HDAC4: variants seen among roughly 807,000 people sequenced by gnomAD.
HDAC4 encodes the protein histone deacetylase 4, also known as histone deacetylase A.
A neutral mutation model predicts 135.1 loss-of-function variants in HDAC4; 16 were observed. That is an observed-to-expected ratio of 0.12 (90% confidence interval 0.08 to 0.18). The LOEUF is 0.18. Ranked by LOEUF, HDAC4 falls within the 10% of genes least tolerant of loss-of-function variation. HDAC4 has a pLI of 1.00. For synonymous variants in HDAC4, 685 were observed against 653.4 expected (o/e 1.05, Z -0.74); for missense variants, 1,143 against 1,511.8 (o/e 0.76, Z 4.05).
chr2:239,213,672 G>C (rs2046464159), intron 3 of HDAC4, among the ~76,000 whole-genome samples: 1 of 152,190 alleles, frequency 6.6e-6, no homozygotes, highest in Admixed American at 6.5e-5. Context: ...CCAGCATCAG[G>C]GTTCCCAGGA....
intron 2 of HDAC4, among the ~76,000 whole-genome samples, chr2:239,256,958 G>A (rs1263067530): frequency 1.3e-5 from 2 of 152,202 alleles, no homozygotes; most frequent in African/African-American, 4.8e-5. Context: ...GAAGACAGAA[G>A]AACCTGGGTA....
Position 239,087,964 on chromosome 2 carries a change from G to T in HDAC4, c.2389-350C>A, listed in dbSNP as rs528346904. Reference sequence around the variant, plus strand: ...GAAAGGATGTGCTCACTCCCCGTCGGCTCGGGACCAGGACCCGCTAGGTGG... The same window carrying T: ...GAAAGGATGTGCTCACTCCCCGTCGTCTCGGGACCAGGACCCGCTAGGTGG... On this transcript the variant is annotated intron_variant, in intron 18 of 26. Transcript: ENST00000543185. Among the ~76,000 whole-genome samples, 57 of 152,300 alleles carry T rather than the reference G, an allele frequency of 3.7e-4. 1 individual carries two copies. Among genetic ancestry groups the T allele is most frequent in the Middle Eastern group, 6.8e-3 (2 of 294 alleles).
chr2:239,078,662 A>G (rs1242940887), intron 22 of HDAC4, among the ~76,000 whole-genome samples: 2 of 152,208 alleles, frequency 1.3e-5, no homozygotes, highest in Non-Finnish European at 2.9e-5. Flanking sequence ...GCAACTCAGA[A>G]AGGCACGTTC....
intron 17 of HDAC4, among the ~76,000 whole-genome samples, chr2:239,090,903 AAT>A (rs566291809): frequency 4.7e-4 from 72 of 152,364 alleles, no homozygotes; most frequent in African/African-American, 1.5e-3. Flanking sequence ...AGTCTCTTCC[AAT>A]AGTGACTTTC....
At chr2:239,094,261 A>T (rs933003658) in intron 17 of HDAC4, 2 of 985,458 alleles carry the variant, frequency 2.0e-6, no homozygotes, top group South Asian at 4.7e-5. Flanking sequence ...CCCAGGCTGC[A>T]TCAAGGAGGT....
chr2:239,211,451 G>A (rs1007834853), intron 3 of HDAC4, among the ~76,000 whole-genome samples: 2 of 152,036 alleles, frequency 1.3e-5, no homozygotes, highest in African/African-American at 4.8e-5. Flanking sequence ...ATCTTGACTG[G>A]GTTTAGTCAA....
rs759348720 is a variant in HDAC4 at position 239,111,591 on chromosome 2, G to A, written c.1913C>T (p.Ser638Leu). 1.2e-6 allele frequency: 2 copies of A among 1,611,962 alleles called. No individual in the cohort carries two copies. The highest frequency in any genetic ancestry group is 2.2e-5 in the South Asian group (2 of 90,888). Residue 638 changes from serine (S) to leucine (L), a missense_variant, in exon 14 of 27, where the codon TCA becomes TTA. Ser to Leu is a moderately radical substitution (Grantham distance 145). Coordinates refer to ENST00000543185, the MANE Select transcript of HDAC4 (RefSeq NM_001378414.1). ...GHRPLSRAQSSPASATFPVSV... is the reference protein window; with the variant it reads ...GHRPLSRAQSLPASATFPVSV... ...CACGGGGAAGGTGGCAGACGCGGGTGAGGACTGCGCCCGGGACAGAGGCCT... is the reference window on the plus strand; with the variant it reads ...CACGGGGAAGGTGGCAGACGCGGGTAAGGACTGCGCCCGGGACAGAGGCCT...
chr2:239,174,983 G>C (rs2043664969), intron 5 of HDAC4, among the ~76,000 whole-genome samples: 1 of 152,178 alleles, frequency 6.6e-6, no homozygotes, highest in South Asian at 2.1e-4. Flanking sequence ...TTTGGGGAAG[G>C]GGGAAGTGCA....
intron 2 of HDAC4, among the ~76,000 whole-genome samples, chr2:239,259,757 G>C (rs1471288693): frequency 6.6e-6 from 1 of 152,230 alleles, no homozygotes; most frequent in African/African-American, 2.4e-5. Flanking sequence ...GAAGAGGAAA[G>C]ATCTCTGCTG....
chr2:239,215,729 A>G (rs1454478220), intron 3 of HDAC4, among the ~76,000 whole-genome samples: 2 of 152,214 alleles, frequency 1.3e-5, no homozygotes, highest in East Asian at 3.9e-4. Context: ...ACTTCAAAAC[A>G]AGAAAGTGTG....
At chr2:239,079,541 G>T (rs2035091302) in intron 22 of HDAC4, among the ~76,000 whole-genome samples, 1 of 152,246 alleles carries the variant, frequency 6.6e-6, no homozygotes, top group Non-Finnish European at 1.5e-5. Context: ...ACGGACCCCA[G>T]TTAGAGAAGA....
intron 9 of HDAC4, among the ~76,000 whole-genome samples, chr2:239,136,500 C>G (rs567238328): frequency 6.6e-6 from 1 of 152,282 alleles, no homozygotes; most frequent in East Asian, 1.9e-4. Flanking sequence ...ATGGCTAAGA[C>G]CTCAAAAGCA....
intron 9 of HDAC4, among the ~76,000 whole-genome samples, chr2:239,136,193 A>G (rs995237417): frequency 1.3e-5 from 2 of 152,210 alleles, no homozygotes; most frequent in Non-Finnish European, 2.9e-5. Context: ...CCTTGCCAGA[A>G]GCTAACGTTA....
intron 5 of HDAC4, among the ~76,000 whole-genome samples, chr2:239,172,153 T>C (rs1191925603): frequency 6.6e-6 from 1 of 152,030 alleles, no homozygotes; most frequent in Non-Finnish European, 1.5e-5. Flanking sequence ...AGAGTTAAAG[T>C]ATCCCAGACC....
At chr2:239,120,640 G>A (rs1272808054) in intron 12 of HDAC4, among the ~76,000 whole-genome samples, 2 of 150,050 alleles carry the variant, frequency 1.3e-5, no homozygotes, top group African/African-American at 2.5e-5. Context: ...GGGGAGGGGT[G>A]GGGGAGGAAG....
intron 2 of HDAC4, among the ~76,000 whole-genome samples, chr2:239,310,978 C>T (rs1039742877): frequency 3.3e-5 from 5 of 152,190 alleles, no homozygotes; most frequent in Admixed American, 6.5e-5. Flanking sequence ...GCAAGAGCAG[C>T]GCCACAATTC....
chr2:239,232,866 TC>T (rs1276487944), intron 3 of HDAC4, among the ~76,000 whole-genome samples: 1 of 73,328 alleles, frequency 1.4e-5, no homozygotes, highest in Non-Finnish European at 2.8e-5. Flanking sequence ...GGGTGGCCCT[TC>T]CCCTCACCAA....
chr2:239,371,865 G>A (rs1694646160), intron 1 of HDAC4, among the ~76,000 whole-genome samples: 1 of 152,256 alleles, frequency 6.6e-6, no homozygotes, highest in Admixed American at 6.5e-5. Flanking sequence ...TCGGAATCAA[G>A]TGATAGCACA....
chr2:239,327,602 C>A (rs1031236308), intron 2 of HDAC4, among the ~76,000 whole-genome samples: 1 of 152,250 alleles, frequency 6.6e-6, no homozygotes, highest in Non-Finnish European at 1.5e-5. Context: ...AAACTGCAAT[C>A]TTGAAATCAG....
Sources: gnomAD v4.1 joint callset for allele counts (sites outside exome capture counted in the v4.1 genomes callset) on GRCh38, gnomAD v4.1.1 for gene constraint, MANE v1.5 for transcripts, NCBI Gene and HGNC (gene_info 2026-07-23, HGNC 2026-07-21) for gene names.